Variants in PDE11A observed in about 807,000 individuals in gnomAD.
PDE11A encodes phosphodiesterase 11A.
A neutral mutation model predicts 100.5 loss-of-function variants in PDE11A; 100 were observed. That is an observed-to-expected ratio of 1.00 (90% CI 0.85 to 1.18). The LOEUF is 1.18. PDE11A is among the 50% of genes most tolerant of loss of function. The pLI is 0.00. For missense variants in PDE11A, 1,141 were observed against 1,152.6 expected (o/e 0.99, Z 0.15); for synonymous variants, 381 against 420.8 (o/e 0.91, Z 1.16).
intron 9 of PDE11A, among the ~76,000 whole-genome samples, chr2:177,800,860 A>G (rs185337960): frequency 1.3e-5 from 2 of 152,306 alleles, no homozygotes; most frequent in East Asian, 3.9e-4. Flanking sequence ...ATATCTAACC[A>G]AGGAGATTCA....
intron 12 of PDE11A, among the ~76,000 whole-genome samples, chr2:177,724,870 C>T (rs1317543074): frequency 6.6e-6 from 1 of 152,034 alleles, no homozygotes; most frequent in African/African-American, 2.4e-5. Flanking sequence ...CTAGAGGAAG[C>T]CTCAGCACAC....
chr2:177,668,903 A>G (rs1389279439), intron 18 of PDE11A, among the ~76,000 whole-genome samples: 1 of 152,190 alleles, frequency 6.6e-6, no homozygotes, highest in Admixed American at 6.6e-5. Context: ...TGACTGACGC[A>G]GTTATGTCTT....
intron 14 of PDE11A, among the ~76,000 whole-genome samples, chr2:177,697,860 T>C (rs936252491): frequency 6.6e-6 from 1 of 152,222 alleles, no homozygotes; most frequent in Non-Finnish European, 1.5e-5. Flanking sequence ...ACACTTGCTA[T>C]GGCAACAAAT....
chr2:177,906,965 T>G (rs904350357), intron 2 of PDE11A, among the ~76,000 whole-genome samples: 3 of 152,216 alleles, frequency 2.0e-5, no homozygotes, highest in Non-Finnish European at 4.4e-5. Context: ...ATTTTAACTT[T>G]CCACTACTTA....
At chr2:177,846,428 G>A (rs1352597641) in intron 5 of PDE11A, among the ~76,000 whole-genome samples, 1 of 152,172 alleles carries the variant, frequency 6.6e-6, no homozygotes, top group Non-Finnish European at 1.5e-5. Context: ...ATGTGGTGTT[G>A]TGAGTTTAAT....
intron 19 of PDE11A, among the ~76,000 whole-genome samples, chr2:177,634,458 G>A (rs978542484): frequency 5.4e-5 from 8 of 149,456 alleles, no homozygotes; most frequent in Admixed American, 2.0e-4. Context: ...GGGCGATCTC[G>A]GCTCACTCCA....
chr2:178,057,994 A>T (rs1287373537), intron 1 of PDE11A, among the ~76,000 whole-genome samples: 1 of 152,048 alleles, frequency 6.6e-6, no homozygotes, highest in Non-Finnish European at 1.5e-5. Context: ...AGTAGCTGGG[A>T]TTACAAGCAC....
chr2:178,062,718 G>A (rs943087694), intron 1 of PDE11A, among the ~76,000 whole-genome samples: 1 of 152,160 alleles, frequency 6.6e-6, no homozygotes, highest in African/African-American at 2.4e-5. Flanking sequence ...TGAAAAAGGA[G>A]TACCATTTAA....
rs148532917 is a variant in PDE11A, at chr2:178,066,940, A to G, written c.912+4586T>C. On this transcript the variant is annotated intron_variant, in intron 1 of 19. Transcript: ENST00000286063. ...ACCCCGGCCAGAGTCCTGCTTTACC[A>G]TCTTGCACTAGGCTCCACAGATTAT... 1.5e-3 allele frequency among the ~76,000 whole-genome samples: 221 copies of G among 152,254 alleles called. 1 individual carries two copies. The highest frequency in any genetic ancestry group is 4.4e-3 in the African/African-American group (181 of 41,540).
chr2:177,972,162 A>ACCACTTT (rs2085779701), intron 2 of PDE11A, among the ~76,000 whole-genome samples: 2 of 152,224 alleles, frequency 1.3e-5, no homozygotes, highest in Admixed American at 6.5e-5. Flanking sequence ...AATGTCATGA[A>ACCACTTT]AAGGAAAAAG....
At chr2:177,664,664 A>G (rs924425107) in intron 18 of PDE11A, among the ~76,000 whole-genome samples, 2 of 152,216 alleles carry the variant, frequency 1.3e-5, no homozygotes, top group Non-Finnish European at 2.9e-5. Context: ...TGTTAAAATT[A>G]ATTCACTGAA....
intron 10 of PDE11A, among the ~76,000 whole-genome samples, chr2:177,763,125 C>A (rs1436235365): frequency 6.6e-6 from 1 of 152,112 alleles, no homozygotes; most frequent in African/African-American, 2.4e-5. Context: ...CAGTGCAAGC[C>A]GCCCGGCTCG....
chr2:177,634,390 CTT>C (rs776055378), intron 19 of PDE11A, among the ~76,000 whole-genome samples: 2 of 146,380 alleles, frequency 1.4e-5, no homozygotes, highest in Non-Finnish European at 3.0e-5. Context: ...TTCTCTCTCT[CTT>C]TTTTTTTTTT....
intron 15 of PDE11A, among the ~76,000 whole-genome samples, chr2:177,685,896 A>G (rs61260452): frequency 0.061 from 9,270 of 152,226 alleles, 473 homozygotes; most frequent in East Asian, 0.26. Context: ...ATGCAAATCT[A>G]TGATATGAAA....
Position 177,822,451 on chromosome 2 carries a change from G to T in PDE11A, c.1501-2156C>A, listed in dbSNP as rs182833866. ...TCTCTATTCTATTCCATTGATCTAG[G>T]TATCTATCCTTATGCCAATACCACA... On this transcript the variant is annotated intron_variant, in intron 6 of 19. Coordinates refer to ENST00000286063, the MANE Select transcript of PDE11A (RefSeq NM_016953.4). Among the ~76,000 whole-genome samples the T allele has an allele frequency of 2.7e-3, 412 of 151,856 alleles. 2 individuals are homozygous for T. Among genetic ancestry groups the T allele is most frequent in the Non-Finnish European group, 7.4e-4 (50 of 67,832 alleles).
Position 178,071,702 on chromosome 2 carries a change from C to G in PDE11A, c.736G>C (p.Ala246Pro). The G allele has an allele frequency of 6.2e-7, 1 of 1,613,860 alleles. No individual in the cohort carries two copies. The highest frequency in any genetic ancestry group is 8.5e-7 in the Non-Finnish European group (1 of 1,179,746). ...DRCSLFLVEG[A>P]AAGKKTLVSK... ...ACCAAGGTCTTCTTGCCAGCAGCTG[C>G]CCCTTCCACCAGGAAAAGAGAGCAG... Residue 246 changes from alanine (A) to proline (P), a missense_variant, in exon 1 of 20, where the codon GCA becomes CCA. Coordinates refer to ENST00000286063, the MANE Select transcript of PDE11A (RefSeq NM_016953.4).
chr2:177,873,294 G>T (rs1238538225), intron 5 of PDE11A, among the ~76,000 whole-genome samples: 1 of 152,016 alleles, frequency 6.6e-6, no homozygotes, highest in Non-Finnish European at 1.5e-5. Flanking sequence ...ACTTATATGA[G>T]GTCATGAATA....
intron 10 of PDE11A, among the ~76,000 whole-genome samples, chr2:177,767,284 T>A (rs1441290218): frequency 2.3e-4 from 35 of 152,050 alleles, no homozygotes; most frequent in Non-Finnish European, 2.9e-5. Flanking sequence ...AAGCTGAGAC[T>A]GTGCCACTGC....
chr2:177,816,349 A>ATGT (rs2105578955), intron 9 of PDE11A, among the ~76,000 whole-genome samples: 1 of 152,306 alleles, frequency 6.6e-6, no homozygotes, highest in South Asian at 2.1e-4. Context: ...AGACATGGGA[A>ATGT]CAGGTCAAGG....
Sources: gnomAD v4.1 joint callset for allele counts (sites outside exome capture counted in the v4.1 genomes callset) on GRCh38, gnomAD v4.1.1 for gene constraint, MANE v1.5 for transcripts, NCBI Gene and HGNC (gene_info 2026-07-23, HGNC 2026-07-21) for gene names.